DOCK9: variants seen among roughly 807,000 people sequenced by gnomAD.
DOCK9 encodes the protein dedicator of cytokinesis 9, also known as dedicator of cytokinesis protein 9.
A neutral mutation model predicts 263.3 loss-of-function variants in DOCK9; 89 were observed. The ratio of observed to expected loss-of-function variants is 0.34; its 90% CI spans 0.28 to 0.40. The LOEUF (loss-of-function observed/expected upper bound fraction) is 0.40, where lower values mean the gene tolerates loss of function less well. Among genes scored for constraint, DOCK9 ranks in the 10% least tolerant of loss-of-function variants. The pLI, the probability that DOCK9 is intolerant of heterozygous loss-of-function variation, is 1.00. For missense variants in DOCK9, 2,140 were observed against 2,603.4 expected (o/e 0.82, Z 3.87); for synonymous variants, 976 against 973.1 (o/e 1.00, Z -0.06).
At chr13:98,863,339 A>G (rs1383464385) in intron 31 of DOCK9, 31 bp downstream of exon 31, 1 of 1,603,756 alleles carries the variant, frequency 6.2e-7, no homozygotes, top group African/African-American at 1.3e-5. Context: ...GACATTATCA[A>G]TGCACATTCC....
intron 15 of DOCK9, among the ~76,000 whole-genome samples, chr13:98,889,981 C>A (rs2055904410): frequency 6.6e-6 from 1 of 152,182 alleles, no homozygotes; most frequent in Admixed American, 6.5e-5. Context: ...AAAATTCCTA[C>A]ATCTTTTTTC....
chr13:98,988,966 T>C (rs562353435), intron 1 of DOCK9, among the ~76,000 whole-genome samples: 1 of 152,274 alleles, frequency 6.6e-6, no homozygotes, highest in South Asian at 2.1e-4. Flanking sequence ...GGGGCCACCC[T>C]TCAGCCACTG....
At chr13:98,937,065 T>C (rs1265624214) in intron 2 of DOCK9, among the ~76,000 whole-genome samples, 1 of 152,232 alleles carries the variant, frequency 6.6e-6, no homozygotes, top group Non-Finnish European at 1.5e-5. Flanking sequence ...GATAGGTCTA[T>C]ATCCACTTTA....
chr13:99,042,000 G>C (rs1888507534), intron 1 of DOCK9, among the ~76,000 whole-genome samples: 1 of 152,192 alleles, frequency 6.6e-6, no homozygotes, highest in Non-Finnish European at 1.5e-5. Context: ...ATAAATTTCT[G>C]CTGTTTTCAG....
chr13:99,014,196 G>A (rs1026107882), intron 1 of DOCK9, among the ~76,000 whole-genome samples: 1 of 152,234 alleles, frequency 6.6e-6, no homozygotes, highest in Non-Finnish European at 1.5e-5. Flanking sequence ...TTGCCGCATG[G>A]GAGGGGCACT....
intron 1 of DOCK9, among the ~76,000 whole-genome samples, chr13:99,053,987 C>T (rs143807153): frequency 1.2e-4 from 19 of 152,154 alleles, no homozygotes; most frequent in African/African-American, 3.9e-4. Flanking sequence ...CTGCCTAACA[C>T]GGTAAGCAAG....
intron 38 of DOCK9, among the ~76,000 whole-genome samples, chr13:98,838,088 G>A (rs2093075502): frequency 6.6e-6 from 1 of 152,164 alleles, no homozygotes; most frequent in African/African-American, 2.4e-5. Context: ...CAGGAGTGCT[G>A]GCAGAGGCTA....
Position 98,844,110 on chromosome 13 carries a change from A to G in DOCK9, c.4198+1814T>C, listed in dbSNP as rs1252181145. ...ATTGAATTTCTGCTGCTAAATGGCA[A>G]AGAAAAACTAAAAATAACAAACTCC... On this transcript the variant is annotated intron_variant, in intron 38 of 52. Transcript: ENST00000682017. Among the ~76,000 whole-genome samples the G allele has an allele frequency of 2.0e-5, 3 of 152,344 alleles. No individual in the cohort carries two copies. The East Asian group carries it at 5.8e-4, about 29-fold the overall frequency.
chr13:99,075,647 T>C (rs574229136), intron 1 of DOCK9, among the ~76,000 whole-genome samples: 68 of 151,932 alleles, frequency 4.5e-4, no homozygotes, highest in Non-Finnish European at 7.8e-4. Context: ...TTACAGGTGT[T>C]AGCCACTGCA....
rs370847473 is a variant in DOCK9 at position 98,885,060 on chromosome 13, C to T, written c.2293G>A (p.Gly765Arg). 37 of 1,613,466 alleles carry T rather than the reference C, an allele frequency of 2.3e-5. No homozygotes were observed. Among genetic ancestry groups the T allele is most frequent in the Admixed American group, 5.0e-5 (3 of 59,958 alleles). Residue 765 changes from glycine (G) to arginine (R), a missense_variant, in exon 21 of 53, where the codon GGA becomes AGA. Physicochemically the swap from Gly to Arg is moderately radical, Grantham distance 125. Transcript: ENST00000682017. ...TGCTGCTCGCTTGTCACCACCCTTC[C>T]GTCTTTCAGGAGGGGAAGCCAGGAG... ...GYSWLPLLKD[G>R]RVVTSEQHIP...
chr13:98,973,500 C>T (rs779926550), intron 1 of DOCK9, among the ~76,000 whole-genome samples: 1 of 152,208 alleles, frequency 6.6e-6, no homozygotes, highest in African/African-American at 2.4e-5. Flanking sequence ...AGAGTAATCA[C>T]GTGGTCATTC....
chr13:98,861,571 T>C (rs1258169586), intron 32 of DOCK9, among the ~76,000 whole-genome samples: 3 of 152,158 alleles, frequency 2.0e-5, no homozygotes, highest in Non-Finnish European at 4.4e-5. Context: ...TAATTAGAAA[T>C]TATTATAGGT....
intron 26 of DOCK9, 77 bp from the exon 27 acceptor site, chr13:98,880,046 A>T: frequency 3.5e-6 from 4 of 1,150,200 alleles, no homozygotes; most frequent in Non-Finnish European, 5.0e-6. Flanking sequence ...CAGGCTGACA[A>T]TATTATTGAC....
intron 27 of DOCK9, among the ~76,000 whole-genome samples, chr13:98,878,275 C>T (rs2044180535): frequency 6.6e-6 from 1 of 152,114 alleles, no homozygotes. Flanking sequence ...TATGGCAACC[C>T]TAGCAAATGA....
chr13:99,052,368 T>C lies in DOCK9; in HGVS notation c.129+33855A>G, dbSNP rs1172543861. ...TGCCAGCACACAGCTTACTTCTCCC[T>C]GACCTCAGCTCCCCATCTCCCTAGA... On this transcript the variant is annotated intron_variant, in intron 1 of 32. Coordinates refer to the DOCK9 transcript ENST00000427887. Among the ~76,000 whole-genome samples the C allele has an allele frequency of 5.9e-5, 9 of 152,344 alleles. No individual in the cohort carries two copies. The East Asian group carries it at 1.2e-3, about 20-fold the overall frequency.
rs1273525428 is a variant in DOCK9, at chr13:98,829,602, CAG to C, written c.4749+39_4749+40del. On this transcript the variant is annotated intron_variant, in intron 42 of 52. Transcript: ENST00000682017. This position sits in a 1 kb window ranked among gnomAD's most constrained non-coding sequence, Gnocchi z 4.1. ...TCCACAAGCACCTCAGGTGCTGATG[CAG>C]AGTCTCAGGGTGAAACTAACATGGG... 1.0e-5 allele frequency: 16 copies of C among 1,581,774 alleles called. No individual in the cohort carries two copies. The highest frequency in any genetic ancestry group is 1.4e-5 in the Non-Finnish European group (16 of 1,160,854).
chr13:98,805,051 C>T lies in DOCK9; in HGVS notation c.5673G>A (p.Gly1891=). Residue 1891 remains glycine, a synonymous_variant, in exon 49 of 53, where the codon GGG becomes GGA. Coordinates refer to ENST00000682017, the MANE Select transcript of DOCK9 (RefSeq NM_001366683.2). ...GCTCTTCCACCCCGCCCTGCCTCTT[C>T]CCGGTCTGCGTAAATGGCATCTCAA... is the stretch of plus-strand genomic sequence containing the variant. ...FMFEMPFTQT[G]KRQGGVEEQC... 1 of 1,611,746 alleles carries T rather than the reference C, an allele frequency of 6.2e-7. No homozygotes were observed. Among genetic ancestry groups the T allele is most frequent in the Non-Finnish European group, 8.5e-7 (1 of 1,178,926 alleles).
intron 1 of DOCK9, among the ~76,000 whole-genome samples, chr13:99,010,199 C>T (rs1188901136): frequency 2.0e-5 from 3 of 152,170 alleles, no homozygotes; most frequent in Admixed American, 6.5e-5. Flanking sequence ...CAAGTTCTTC[C>T]ACTTCAGTTA....
At chr13:98,979,229 T>TAGTAGTAGTAGCAGCAGCAGC (rs1555439294), upstream of DOCK9, among the ~76,000 whole-genome samples, 841 of 124,986 alleles carry the variant, frequency 6.7e-3, 6 homozygotes, top group South Asian at 1.0e-2. Flanking sequence ...GTAGTAGTAG[T>TAGTAGTAGTAGCAGCAGCAGC]AGCAGCAGCG....
Sources: gnomAD v4.1 joint callset for allele counts (sites outside exome capture counted in the v4.1 genomes callset) on GRCh38, gnomAD v4.1.1 for gene constraint, Gnocchi (gnomAD v3.1) non-coding constraint, MANE v1.5 for transcripts, NCBI Gene and HGNC (gene_info 2026-07-23, HGNC 2026-07-21) for gene names.